ZHX3: variants seen among roughly 807,000 people sequenced by gnomAD.
ZHX3 encodes zinc fingers and homeoboxes protein 3.
ZHX3 carries 20 observed loss-of-function variants against 64.5 expected under a neutral mutation model. The ratio of observed to expected loss-of-function variants is 0.31; its 90% CI spans 0.22 to 0.45. The LOEUF is 0.45. Ranked by LOEUF, ZHX3 falls within the 20% of genes least tolerant of loss-of-function variation. ZHX3 has a pLI of 1.00. For synonymous variants in ZHX3, 423 were observed against 461.6 expected, an observed-to-expected ratio of 0.92 and a Z score of 1.07; for missense variants, 1,041 against 1,195.8, an observed-to-expected ratio of 0.87 and a Z score of 1.91.
chr20:41,186,138 C>T (rs1257287624), intron 3 of ZHX3, among the ~76,000 whole-genome samples: 1 of 152,144 alleles, frequency 6.6e-6, no homozygotes, highest in Non-Finnish European at 1.5e-5. Flanking sequence ...ATTATATATC[C>T]ATTAAACAAC....
At chr20:41,259,006 AACC>A (rs957918593) in intron 2 of ZHX3, among the ~76,000 whole-genome samples, 2 of 152,168 alleles carry the variant, frequency 1.3e-5, no homozygotes, top group African/African-American at 2.4e-5. Flanking sequence ...ATTAAAAAAA[AACC>A]ACATTTTCAT....
At chr20:41,311,856 C>T (rs997067757) in intron 1 of ZHX3, among the ~76,000 whole-genome samples, 26 of 152,084 alleles carry the variant, frequency 1.7e-4, no homozygotes, top group African/African-American at 6.0e-4. Context: ...TACGAATTCT[C>T]GAAAAAAGTA....
chr20:41,184,824 C>G lies in ZHX3; in HGVS notation c.*367G>C. 7.2e-7 allele frequency: 1 copy of G among 1,379,430 alleles called. No individual in the cohort carries two copies. The highest frequency in any genetic ancestry group is 9.6e-7 in the Non-Finnish European group (1 of 1,040,544). The allele number at this position is 1,379,430 out of a possible 1,614,324, so 85.4% of individuals were successfully genotyped here. Reference sequence around the variant, plus strand: ...GCTAACCAAAGTTTCTACGTAATGACAGTGTTGATAATCTGATGTTTTATT... The same window carrying G: ...GCTAACCAAAGTTTCTACGTAATGAGAGTGTTGATAATCTGATGTTTTATT... On this transcript the variant is annotated 3_prime_UTR_variant, in exon 4 of 4. Transcript: ENST00000683867.
chr20:41,179,240 C>T lies in ZHX3; in HGVS notation c.*5951G>A, dbSNP rs1324267446. The T allele has an allele frequency of 6.6e-6, 1 of 152,212 alleles. No individual in the cohort carries two copies. Among genetic ancestry groups the T allele is most frequent in the East Asian group, 1.9e-4 (1 of 5,198 alleles). 9.4% of individuals were successfully genotyped at this position (152,212 alleles called of 1,614,324 possible). A position where few individuals can be genotyped will look rare whatever the true frequency, so the allele number is the denominator to read the frequency against. On this transcript the variant is annotated 3_prime_UTR_variant, in exon 4 of 4. Transcript: ENST00000683867. This position sits in a 1 kb window ranked among gnomAD's most constrained non-coding sequence, Gnocchi z 4.3. Reference sequence around the variant, plus strand: ...CTCCTAACACTTCTGAACAAAGCAACTGCTCAGAAGCACAGCGGGAACCCT... The same window carrying T: ...CTCCTAACACTTCTGAACAAAGCAATTGCTCAGAAGCACAGCGGGAACCCT...
chr20:41,312,081 T>C (rs981357761), intron 1 of ZHX3, among the ~76,000 whole-genome samples: 16 of 152,314 alleles, frequency 1.1e-4, no homozygotes, highest in African/African-American at 3.1e-4. Flanking sequence ...CCAGCTGGAC[T>C]TCCTGGGTCG....
In ZHX3 at chr20:41,180,184, A is replaced by C. The variant is rs2036196633; in HGVS notation, c.*5007T>G. 1 of 152,708 alleles carries C rather than the reference A, an allele frequency of 6.5e-6. No homozygotes were observed. The highest frequency in any genetic ancestry group is 2.4e-5 in the African/African-American group (1 of 41,460). 9.5% of individuals were successfully genotyped at this position (152,708 alleles called of 1,614,324 possible). The stretch of plus-strand genomic sequence containing the variant: ...GGAAGGTGCCTAGAGTCCCCACCAG[A>C]GCGGCTGCCTTCCTCCCTTCGCTCA... On this transcript the variant is annotated 3_prime_UTR_variant, in exon 4 of 4. Coordinates refer to ENST00000683867, the MANE Select transcript of ZHX3 (RefSeq NM_001384317.1).
At position 41,200,069 on chromosome 20, in the gene ZHX3, A is replaced by G. The variant is rs191590005; in HGVS notation, c.2860+1988T>C. ...GGCACCAACAGTCTGCACCAGGAACATTTTCCACAGTTGCCTGCTGCAGAG... is the reference window on the plus strand; with the variant it reads ...GGCACCAACAGTCTGCACCAGGAACGTTTTCCACAGTTGCCTGCTGCAGAG... On this transcript the variant is annotated intron_variant, in intron 3 of 3. Transcript: ENST00000683867. The surrounding 1 kb of genome is among the most constrained non-coding windows in gnomAD (Gnocchi z 4.2). 1.3e-4 allele frequency among the ~76,000 whole-genome samples: 20 copies of G among 152,080 alleles called. 1 individual carries two copies. The highest frequency in any genetic ancestry group is 1.2e-3 in the Admixed American group (19 of 15,268).
At position 41,201,069 on chromosome 20, in the gene ZHX3, A is replaced by G. The variant is rs1471982758; in HGVS notation, c.2860+988T>C. Among the ~76,000 whole-genome samples the G allele has an allele frequency of 1.3e-5, 2 of 152,226 alleles. No homozygotes were observed. Among genetic ancestry groups the G allele is most frequent in the Non-Finnish European group, 2.9e-5 (2 of 68,044 alleles). On this transcript the variant is annotated intron_variant, in intron 3 of 3. Transcript: ENST00000683867. This position sits in a 1 kb window ranked among gnomAD's most constrained non-coding sequence, Gnocchi z 5.0. ...AAATTCTGTGGGATTTCTGAGGGAT[A>G]GGCCACTATGGTTGGCCCTGGGGAT...
At chr20:41,269,315 G>T (rs2043012454) in intron 1 of ZHX3, 1 of 152,182 alleles carries the variant, frequency 6.6e-6, no homozygotes, top group Non-Finnish European at 1.5e-5. Context: ...TAACAGATCA[G>T]AACAAAATCT....
At chr20:41,281,934 C>G (rs1457314223) in intron 1 of ZHX3, among the ~76,000 whole-genome samples, 1 of 152,114 alleles carries the variant, frequency 6.6e-6, no homozygotes, top group African/African-American at 2.4e-5. Flanking sequence ...TGCAGAAGTC[C>G]TGGGCTATGA....
intron 1 of ZHX3, among the ~76,000 whole-genome samples, chr20:41,276,249 G>A (rs1203670803): frequency 6.9e-6 from 1 of 145,192 alleles, no homozygotes; most frequent in Non-Finnish European, 1.5e-5. Flanking sequence ...TTAAAAGTCT[G>A]TTTTTCTTTT....
At chr20:41,275,712 G>A (rs1445394957) in intron 1 of ZHX3, among the ~76,000 whole-genome samples, 1 of 152,188 alleles carries the variant, frequency 6.6e-6, no homozygotes, top group African/African-American at 2.4e-5. Context: ...CAGATGGAGA[G>A]GACTTCCTAT....
chr20:41,202,587 T>A lies in ZHX3; in HGVS notation c.2330A>T (p.His777Leu), dbSNP rs1478772764. 1.2e-6 allele frequency: 2 copies of A among 1,614,028 alleles called. No homozygotes were observed. The highest frequency in any genetic ancestry group is 3.3e-5 in the Admixed American group (2 of 60,026). Residue 777 changes from histidine to leucine, a missense_variant, in exon 3 of 4, where the codon CAC (histidine) becomes CTC (leucine). Physicochemically the swap from His to Leu is moderately conservative, Grantham distance 99. Around this residue, in one of 4 missense-constraint regions of ZHX3, gnomAD observed 649 missense variants for 739.8 expected, o/e 0.88. Transcript: ENST00000683867. The surrounding 1 kb of genome is among the most constrained non-coding windows in gnomAD (Gnocchi z 7.0). ...VSCKKTAQQR[H>L]LLRQLFVQTQ... ...CTGGACAAAGAGCTGCCGCAGCAAG[T>A]GCCGCTGCTGGGCAGTCTTTTTGCA...
At chr20:41,313,952 CACT>C (rs1383771987) in intron 1 of ZHX3, among the ~76,000 whole-genome samples, 6 of 152,174 alleles carry the variant, frequency 3.9e-5, no homozygotes, top group African/African-American at 1.4e-4. Context: ...TTACCACCAC[CACT>C]ACCAACTTCT....
chr20:41,263,234 T>C (rs6029598), intron 2 of ZHX3, among the ~76,000 whole-genome samples: 142,084 of 152,210 alleles, frequency 0.93, 66,455 homozygotes, highest in East Asian at 1. Flanking sequence ...TATGAAATAA[T>C]GATAATGAAG....
chr20:41,184,791 A>G lies in ZHX3; in HGVS notation c.*400T>C. 2.6e-6 allele frequency: 3 copies of G among 1,153,770 alleles called. No homozygotes were observed. The highest frequency in any genetic ancestry group is 3.6e-6 in the Non-Finnish European group (3 of 838,982). 71.5% of individuals were successfully genotyped at this position (1,153,770 alleles called of 1,614,324 possible). A position where few individuals can be genotyped will look rare whatever the true frequency, so the allele number is the denominator to read the frequency against. On this transcript the variant is annotated 3_prime_UTR_variant, in exon 4 of 4. Transcript: ENST00000683867. ...TTAGAGATGACGTAACTGACAATGC[A>G]CTGCTTGGCTAACCAAAGTTTCTAC...
At position 41,184,950 on chromosome 20, in the gene ZHX3, G is replaced by A; in HGVS notation, c.*241C>T. ...TTTATCCATTGGAAGGTAAAGGAAAGGTCCTACATTGTGGGAGGAAGAACT... is the reference window on the plus strand; with the variant it reads ...TTTATCCATTGGAAGGTAAAGGAAAAGTCCTACATTGTGGGAGGAAGAACT... On this transcript the variant is annotated 3_prime_UTR_variant, in exon 4 of 4. Coordinates refer to ENST00000683867, the MANE Select transcript of ZHX3 (RefSeq NM_001384317.1). 1 of 1,545,248 alleles carries A rather than the reference G, an allele frequency of 6.5e-7. No homozygotes were observed. Among genetic ancestry groups the A allele is most frequent in the Non-Finnish European group, 8.7e-7 (1 of 1,146,950 alleles).
intron 2 of ZHX3, among the ~76,000 whole-genome samples, chr20:41,241,830 C>G (rs770565527): frequency 6.6e-6 from 1 of 152,104 alleles, no homozygotes; most frequent in Non-Finnish European, 1.5e-5. Flanking sequence ...CTGTAGATTG[C>G]TTTGGGTAGT....
At chr20:41,308,169 G>C (rs1303129190) in intron 1 of ZHX3, among the ~76,000 whole-genome samples, 1 of 152,254 alleles carries the variant, frequency 6.6e-6, no homozygotes, top group African/African-American at 2.4e-5. Flanking sequence ...TTCTAAAAGG[G>C]AACAACACTC....
Sources: gnomAD v4.1 joint callset for allele counts (sites outside exome capture counted in the v4.1 genomes callset) on GRCh38, gnomAD v4.1.1 for gene constraint, gnomAD v4.1.1 regional missense constraint, Gnocchi (gnomAD v3.1) non-coding constraint, MANE v1.5 for transcripts, NCBI Gene and HGNC (gene_info 2026-07-23, HGNC 2026-07-21) for gene names.